The following ITGA8 variants were observed in gnomAD, a reference collection of about 807,000 sequenced individuals.
ITGA8 encodes the protein integrin alpha-8.
ITGA8 carries 91 observed loss-of-function variants against 142.3 expected under a neutral mutation model. The observed-to-expected ratio is 0.64, with a 90% CI of 0.54 to 0.76. The LOEUF is 0.76. Ranked by LOEUF, ITGA8 falls within the 30% of genes least tolerant of loss-of-function variation. ITGA8 has a pLI of 0.00. For missense variants in ITGA8, 1,406 were observed against 1,327.7 expected (o/e 1.06, Z -0.92); for synonymous variants, 505 against 485.2 (o/e 1.04, Z -0.54).
At chr10:15,541,404 A>G (rs1337846232) in intron 27 of ITGA8, among the ~76,000 whole-genome samples, 2 of 152,224 alleles carry the variant, frequency 1.3e-5, no homozygotes, top group East Asian at 1.9e-4. Flanking sequence ...ACCCCAGAGA[A>G]AGGCATCAAA....
At chr10:15,703,994 C>A (rs908795614) in intron 2 of ITGA8, among the ~76,000 whole-genome samples, 17 of 152,214 alleles carry the variant, frequency 1.1e-4, no homozygotes, top group African/African-American at 3.6e-4. Flanking sequence ...ATTGTGAGAT[C>A]AGAGGATGTC....
intron 22 of ITGA8, among the ~76,000 whole-genome samples, chr10:15,589,162 A>G (rs1323445449): frequency 6.6e-6 from 1 of 152,222 alleles, no homozygotes; most frequent in Non-Finnish European, 1.5e-5. Flanking sequence ...ACTGCACCCT[A>G]TGTTATATAC....
At chr10:15,606,608 G>A (rs1477236121) in intron 17 of ITGA8, among the ~76,000 whole-genome samples, 186 bp from the exon 18 acceptor site, 1 of 152,160 alleles carries the variant, frequency 6.6e-6, no homozygotes, top group African/African-American at 2.4e-5. Flanking sequence ...TAATATATGT[G>A]CAGTGATGAA....
At chr10:15,580,239 A>T (rs947498442) in intron 23 of ITGA8, among the ~76,000 whole-genome samples, 2 of 152,016 alleles carry the variant, frequency 1.3e-5, no homozygotes, top group African/African-American at 4.8e-5. Flanking sequence ...CAATGAGAGA[A>T]TATTGTGAAC....
intron 8 of ITGA8, among the ~76,000 whole-genome samples, chr10:15,666,751 G>A (rs896333097): frequency 3.3e-5 from 5 of 152,084 alleles, no homozygotes; most frequent in African/African-American, 1.2e-4. Flanking sequence ...TTTGTCAAAG[G>A]CCTTTTCTGC....
At chr10:15,654,609 A>G (rs934199998) in intron 11 of ITGA8, among the ~76,000 whole-genome samples, 3 of 152,244 alleles carry the variant, frequency 2.0e-5, no homozygotes, top group African/African-American at 7.2e-5. Context: ...CAAAGTAAGT[A>G]TTCTTCAGAT....
In ITGA8 at chr10:15,608,241, T is replaced by A. The variant is rs749776524; in HGVS notation, c.1603A>T (p.Thr535Ser). The change falls in exon 16 of 30, where the codon ACA (threonine) becomes TCA (serine). Residue 535 changes from threonine (T) to serine (S), a missense_variant. Physicochemically the swap from Thr to Ser is moderately conservative, Grantham distance 58. Coordinates refer to ENST00000378076, the MANE Select transcript of ITGA8 (RefSeq NM_003638.3). ...AAAATGAAAACATGCTTACCTATTGTGTTTGCAATGCTCTGGCCTGTGACA... is the reference window on the plus strand; with the variant it reads ...AAAATGAAAACATGCTTACCTATTGAGTTTGCAATGCTCTGGCCTGTGACA... ...ASVTGQSIAN[T>S]IVLMAEVQLD... 1 of 1,595,762 alleles carries A rather than the reference T, an allele frequency of 6.3e-7. No individual in the cohort carries two copies. The highest frequency in any genetic ancestry group is 2.2e-5 in the East Asian group (1 of 44,642).
intron 11 of ITGA8, among the ~76,000 whole-genome samples, chr10:15,650,493 G>A (rs1380140169): frequency 6.6e-6 from 1 of 152,128 alleles, no homozygotes; most frequent in Non-Finnish European, 1.5e-5. Flanking sequence ...GAATGTTCTT[G>A]CCCCCCTCAA....
At chr10:15,678,127 A>G (rs1221755997) in intron 5 of ITGA8, among the ~76,000 whole-genome samples, 1 of 152,196 alleles carries the variant, frequency 6.6e-6, no homozygotes, top group Non-Finnish European at 1.5e-5. Context: ...TCATGAATTG[A>G]CATCCTCACC....
chr10:15,663,458 T>C (rs1834327482), intron 8 of ITGA8, among the ~76,000 whole-genome samples: 1 of 152,144 alleles, frequency 6.6e-6, no homozygotes, highest in East Asian at 1.9e-4. Flanking sequence ...TTCTGAGATC[T>C]GATGGAAAAT....
intron 2 of ITGA8, among the ~76,000 whole-genome samples, chr10:15,700,381 G>GT (rs911675590): frequency 1.9e-4 from 29 of 152,108 alleles, no homozygotes; most frequent in African/African-American, 6.3e-4. Context: ...TTCCTGTCCT[G>GT]TGAACACACC....
chr10:15,531,893 T>G (rs534951847), intron 27 of ITGA8, among the ~76,000 whole-genome samples: 42 of 151,638 alleles, frequency 2.8e-4, no homozygotes, highest in Admixed American at 5.2e-4. Context: ...TGCAGTGAGC[T>G]GAGAGCACGC....
intron 24 of ITGA8, among the ~76,000 whole-genome samples, chr10:15,573,089 A>C (rs1834217136): frequency 6.6e-6 from 1 of 152,108 alleles, no homozygotes; most frequent in African/African-American, 2.4e-5. Flanking sequence ...TTTTTTTCTC[A>C]GTTCTGAAAA....
At chr10:15,699,723 T>C (rs1278699744) in intron 2 of ITGA8, among the ~76,000 whole-genome samples, 3 of 152,184 alleles carry the variant, frequency 2.0e-5, no homozygotes, top group African/African-American at 7.2e-5. Flanking sequence ...TAGAGAATGA[T>C]CATATTCTTT....
chr10:15,674,576 T>C (rs1279249478), intron 6 of ITGA8, among the ~76,000 whole-genome samples: 1 of 152,230 alleles, frequency 6.6e-6, no homozygotes, highest in Non-Finnish European at 1.5e-5. Flanking sequence ...AAAATGTTAA[T>C]TGTTTGATGT....
At chr10:15,596,668 C>T (rs912908912) in intron 21 of ITGA8, 1 of 153,078 alleles carries the variant, frequency 6.5e-6, no homozygotes, top group African/African-American at 2.4e-5. Flanking sequence ...AGAAAAGTTT[C>T]AAATGCTCAA....
chr10:15,542,616 T>C (rs1833592779), intron 27 of ITGA8, among the ~76,000 whole-genome samples: 1 of 152,192 alleles, frequency 6.6e-6, no homozygotes, highest in Non-Finnish European at 1.5e-5. Flanking sequence ...AATACAGTGA[T>C]CAAAATATAA....
intron 8 of ITGA8, among the ~76,000 whole-genome samples, chr10:15,661,307 T>G (rs930490877): frequency 1.3e-5 from 2 of 152,148 alleles, no homozygotes; most frequent in African/African-American, 4.8e-5. Context: ...AGAATCTAAC[T>G]AATGCCTGAT....
chr10:15,708,595 A>G (rs937500959), intron 2 of ITGA8, among the ~76,000 whole-genome samples: 25 of 152,156 alleles, frequency 1.6e-4, no homozygotes, highest in Admixed American at 1.4e-3. Context: ...TTAAAAAAAA[A>G]GTTTTAATCA....
Sources: gnomAD v4.1 joint callset for allele counts (sites outside exome capture counted in the v4.1 genomes callset) on GRCh38, gnomAD v4.1.1 for gene constraint, MANE v1.5 for transcripts, NCBI Gene and HGNC (gene_info 2026-07-23, HGNC 2026-07-21) for gene names.